PMPCB: variants seen among roughly 807,000 people sequenced by gnomAD.
PMPCB encodes the protein mitochondrial-processing peptidase subunit beta.
In PMPCB, 46 loss-of-function variants were observed where a neutral mutation model predicts 61.5. The ratio of observed to expected loss-of-function variants is 0.75; its 90% CI spans 0.59 to 0.96. The LOEUF is 0.96. Ranked by LOEUF, PMPCB falls within the 40% of genes least tolerant of loss-of-function variation. The probability of loss-of-function intolerance (pLI) is 0.00; values close to 1 mark genes in which losing one functional copy is unlikely to be tolerated. For missense variants in PMPCB, 590 were observed against 602.4 expected (o/e 0.98, Z 0.22); for synonymous variants, 191 against 201.6 (o/e 0.95, Z 0.44).
intron 1 of PMPCB, 194 bp downstream of exon 1, chr7:103,297,752 C>T (rs1269748037): frequency 9.8e-6 from 15 of 1,533,674 alleles, no homozygotes; most frequent in Non-Finnish European, 1.3e-5. Flanking sequence ...GCCAGGAGAC[C>T]TGCTAGTGAC....
rs1372834506 is a variant in PMPCB, at chr7:103,299,467, A to G, written c.265A>G (p.Ser89Gly). The G allele has an allele frequency of 6.2e-7, 1 of 1,610,316 alleles. No individual in the cohort carries two copies. Among genetic ancestry groups the G allele is most frequent in the South Asian group, 1.1e-5 (1 of 90,856 alleles). ...CTVGLWIDAG[S>G]RYENEKNNGT... ...GGTTGGACTCTGGATTGATGCTGGAAGTAGATACGAAAATGAGAAGAACAA... is the reference window on the plus strand; with the variant it reads ...GGTTGGACTCTGGATTGATGCTGGAGGTAGATACGAAAATGAGAAGAACAA... The change falls in exon 3 of 13, where the codon AGT (serine) becomes GGT (glycine). Residue 89 changes from serine (S) to glycine (G), a missense_variant. By Grantham distance (56) the Ser-to-Gly change is moderately conservative. Coordinates refer to ENST00000249269, the MANE Select transcript of PMPCB (RefSeq NM_004279.3).
chr7:103,344,803 G>T, the PMPCB span: 4 of 640,372 alleles, frequency 6.2e-6, no homozygotes, highest in South Asian at 1.8e-5. Flanking sequence ...TGGTGTGGAG[G>T]CCAGTCTCAC....
Position 103,314,374 on chromosome 7 carries a change from G to C in PMPCB, c.*2103G>C, listed in dbSNP as rs561702396. 1 of 985,344 alleles carries C rather than the reference G, an allele frequency of 1.0e-6. No homozygotes were observed. Among genetic ancestry groups the C allele is most frequent in the Non-Finnish European group, 1.2e-6 (1 of 829,914 alleles). 61.0% of individuals were successfully genotyped at this position (985,344 alleles called of 1,614,324 possible). A position where few individuals can be genotyped will look rare whatever the true frequency, so the allele number is the denominator to read the frequency against. On this transcript the variant is annotated 3_prime_UTR_variant, in exon 13 of 13. Coordinates refer to ENST00000249269, the MANE Select transcript of PMPCB (RefSeq NM_004279.3). The stretch of plus-strand genomic sequence containing the variant: ...TTTAATGGTACAACTGAAGAGGAAG[G>C]AGCCTTCCCATTTCCATAAAAGAGG...
the PMPCB span, among the ~76,000 whole-genome samples, chr7:103,334,830 T>G: frequency 2.0e-3 from 310 of 152,150 alleles, 2 homozygotes; most frequent in African/African-American, 7.1e-3. Context: ...ACAAATATTT[T>G]TGGTATTTTT....
Position 103,308,886 on chromosome 7 carries a change from C to G in PMPCB, c.850-66C>G, listed in dbSNP as rs1817661247. On this transcript the variant is annotated intron_variant, in intron 7 of 12. Transcript: ENST00000249269. ...AGTTAATGGGACTGGTGATTTTTTC[C>G]TTGTTAATAAGCATGTTATATAATG... 8 of 1,312,142 alleles carry G rather than the reference C, an allele frequency of 6.1e-6. No homozygotes were observed. The South Asian group carries it at 1.4e-4, about 22-fold the overall frequency. 81.3% of individuals were successfully genotyped at this position (1,312,142 alleles called of 1,614,324 possible). A position where few individuals can be genotyped will look rare whatever the true frequency, so the allele number is the denominator to read the frequency against.
At chr7:103,336,650 C>CTAT in the PMPCB span, 1 of 152,230 alleles carries the variant, frequency 6.6e-6, no homozygotes, top group South Asian at 2.1e-4. Flanking sequence ...CCGGCCAATG[C>CTAT]TATTCTTTCG....
downstream of PMPCB, among the ~76,000 whole-genome samples, chr7:103,332,280 T>C (rs932328853): frequency 5.3e-5 from 8 of 152,216 alleles, no homozygotes; most frequent in South Asian, 2.1e-4. Flanking sequence ...GCTCGGATTA[T>C]AGGCGTGAGC....
rs535247471 is a variant in PMPCB at position 103,313,246 on chromosome 7, T to C, written c.*975T>C. On this transcript the variant is annotated 3_prime_UTR_variant, in exon 13 of 13. Transcript: ENST00000249269. ...AACTTGTAGAGATGAGAGATACATA[T>C]AGCCCTCTGAGTGTTAATAAGAGAA... is the stretch of plus-strand genomic sequence containing the variant. 1.1e-5 allele frequency: 15 copies of C among 1,407,346 alleles called. No individual in the cohort carries two copies. Among genetic ancestry groups the C allele is most frequent in the Middle Eastern group, 5.3e-4 (2 of 3,808 alleles). The allele number at this position is 1,407,346 out of a possible 1,614,324, so 87.2% of individuals were successfully genotyped here. A position where few individuals can be genotyped will look rare whatever the true frequency, so the allele number is the denominator to read the frequency against.
chr7:103,329,757 C>T (rs1818889698), downstream of PMPCB, among the ~76,000 whole-genome samples: 1 of 152,172 alleles, frequency 6.6e-6, no homozygotes, highest in South Asian at 2.1e-4. Context: ...AAACTGACCA[C>T]AGCTTTCTAA....
At chr7:103,344,194 C>G in the PMPCB span, 1 of 273,422 alleles carries the variant, frequency 3.7e-6, no homozygotes, top group Non-Finnish European at 6.9e-6. Context: ...CTTTGTACGA[C>G]CCCAGGCACG....
At chr7:103,311,402 G>A in intron 9 of PMPCB, 1 of 527,384 alleles carries the variant, frequency 1.9e-6, no homozygotes, top group Middle Eastern at 4.9e-4. Context: ...TAGCATTTCT[G>A]AAAATGTGAT....
At chr7:103,345,344 T>C in the PMPCB span, among the ~76,000 whole-genome samples, 1 of 152,262 alleles carries the variant, frequency 6.6e-6, no homozygotes, top group Non-Finnish European at 1.5e-5. Flanking sequence ...TTCCCAATTA[T>C]AGGACTCTGG....
downstream of PMPCB, chr7:103,314,726 C>G (rs749323612): frequency 1.2e-6 from 1 of 840,760 alleles, no homozygotes; most frequent in Non-Finnish European, 1.4e-6. Flanking sequence ...TGATTTTCCT[C>G]CCCTATATTA....
At chr7:103,330,919 T>G (rs1295692097), downstream of PMPCB, among the ~76,000 whole-genome samples, 1 of 151,760 alleles carries the variant, frequency 6.6e-6, no homozygotes, top group Non-Finnish European at 1.5e-5. Context: ...TACACACTTA[T>G]GGGGTGCATG....
intron 6 of PMPCB, among the ~76,000 whole-genome samples, chr7:103,306,800 A>G (rs1462455237): frequency 2.0e-5 from 3 of 152,032 alleles, no homozygotes; most frequent in Non-Finnish European, 4.4e-5. Context: ...CTGTCACCCA[A>G]GTTGGAGTGC....
chr7:103,341,905 A>T, the PMPCB span: 10 of 1,612,112 alleles, frequency 6.2e-6, no homozygotes, highest in East Asian at 2.0e-4. Flanking sequence ...TCCTCTTAAC[A>T]AAAGCTTCAA....
downstream of PMPCB, among the ~76,000 whole-genome samples, chr7:103,332,953 C>T (rs935797007): frequency 1.3e-5 from 2 of 152,154 alleles, no homozygotes; most frequent in African/African-American, 2.4e-5. Context: ...TTTTGAGTAT[C>T]CTGTATCTGA....
At chr7:103,342,481 T>G in the PMPCB span, among the ~76,000 whole-genome samples, 1 of 151,324 alleles carries the variant, frequency 6.6e-6, no homozygotes. Context: ...AATTTTGTAT[T>G]TTTAGTAGAG....
At chr7:103,330,127 A>G (rs1248798041), downstream of PMPCB, among the ~76,000 whole-genome samples, 1 of 152,200 alleles carries the variant, frequency 6.6e-6, no homozygotes, top group Non-Finnish European at 1.5e-5. Context: ...ACTGTATTCT[A>G]TGTGCTTTCA....
Sources: allele counts gnomAD v4.1 joint callset (sites outside exome capture counted in the v4.1 genomes callset), GRCh38; gene constraint gnomAD v4.1.1; transcripts MANE v1.5; gene names NCBI Gene and HGNC (gene_info 2026-07-23, HGNC 2026-07-21).